Variants in AOAH observed in about 807,000 individuals in gnomAD.
AOAH encodes the protein acyloxyacyl hydrolase (neutrophil).
In AOAH, 64 loss-of-function variants were observed where a neutral mutation model predicts 92.2. The ratio of observed to expected loss-of-function variants is 0.69; its 90% CI spans 0.57 to 0.86. The LOEUF is 0.86. Among genes scored for constraint, AOAH ranks in the 40% least tolerant of loss-of-function variants. The pLI is 0.00. For synonymous variants in AOAH, 263 were observed against 254.5 expected (o/e 1.03, Z -0.32); for missense variants, 656 against 694.6 (o/e 0.94, Z 0.62).
chr7:36,517,236 C>CTTTCTTTCTTTCTTTT (rs1346541472), intron 20 of AOAH, among the ~76,000 whole-genome samples: 1 of 56,740 alleles, frequency 1.8e-5, no homozygotes, highest in African/African-American at 5.3e-5. Context: ...GTCTCTCTCT[C>CTTTCTTTCTTTCTTTT]TCTCTCTCTT....
At chr7:36,587,673 A>T (rs1315740391) in intron 12 of AOAH, among the ~76,000 whole-genome samples, 1 of 152,196 alleles carries the variant, frequency 6.6e-6, no homozygotes, top group African/African-American at 2.4e-5. Context: ...ATCACATTAG[A>T]AGAGTCTTAG....
intron 3 of AOAH, among the ~76,000 whole-genome samples, chr7:36,660,021 G>A (rs547349566): frequency 4.6e-5 from 7 of 152,132 alleles, no homozygotes; most frequent in Admixed American, 3.3e-4. Context: ...TCTTCTTCTG[G>A]ACAATAAGTC....
chr7:36,696,317 A>G (rs1196238565), intron 1 of AOAH, among the ~76,000 whole-genome samples: 1 of 152,170 alleles, frequency 6.6e-6, no homozygotes, highest in Non-Finnish European at 1.5e-5. Flanking sequence ...AAAAACTCCT[A>G]TTAGGATTTT....
At chr7:36,693,348 G>A (rs1313006890) in intron 1 of AOAH, among the ~76,000 whole-genome samples, 1 of 152,058 alleles carries the variant, frequency 6.6e-6, no homozygotes, top group Non-Finnish European at 1.5e-5. Flanking sequence ...GTATCCAAAG[G>A]TATCTAAATA....
At chr7:36,600,656 G>A (rs548390309) in intron 11 of AOAH, among the ~76,000 whole-genome samples, 22 of 152,200 alleles carry the variant, frequency 1.4e-4, no homozygotes, top group Non-Finnish European at 2.4e-4. Context: ...AGAGCAGGCC[G>A]GGTCAGCACC....
At chr7:36,644,086 G>C (rs544584873) in intron 4 of AOAH, among the ~76,000 whole-genome samples, 108 of 152,346 alleles carry the variant, frequency 7.1e-4, no homozygotes, top group South Asian at 7.0e-3. Flanking sequence ...CATCAAGGCT[G>C]TTACAATGTA....
At chr7:36,599,477 T>C (rs977733925) in intron 11 of AOAH, among the ~76,000 whole-genome samples, 5 of 152,206 alleles carry the variant, frequency 3.3e-5, no homozygotes, top group African/African-American at 1.2e-4. Flanking sequence ...CCCTTTTCTA[T>C]TACATGTACC....
intron 20 of AOAH, among the ~76,000 whole-genome samples, chr7:36,517,156 GTCTTTCTTTCTT>G (rs1554360832): frequency 2.0e-4 from 19 of 95,432 alleles, no homozygotes; most frequent in African/African-American, 7.0e-4. Flanking sequence ...ATCCATGTTA[GTCTTTCTTTCTT>G]TCTTTCTTTC....
chr7:36,597,194 C>G (rs1790192824), intron 11 of AOAH, among the ~76,000 whole-genome samples: 1 of 152,098 alleles, frequency 6.6e-6, no homozygotes, highest in South Asian at 2.1e-4. Flanking sequence ...GAAACAACCC[C>G]ATAGAAAGAA....
chr7:36,534,279 G>C (rs1464454787), intron 16 of AOAH, among the ~76,000 whole-genome samples: 1 of 152,178 alleles, frequency 6.6e-6, no homozygotes, highest in African/African-American at 2.4e-5. Context: ...ACCCTGAGGG[G>C]CACCTCCCTT....
chr7:36,671,290 C>T (rs1795909529), intron 3 of AOAH, among the ~76,000 whole-genome samples: 1 of 152,080 alleles, frequency 6.6e-6, no homozygotes, highest in African/African-American at 2.4e-5. Flanking sequence ...TACACCTGGG[C>T]CTGGAGATAC....
At chr7:36,553,234 C>T (rs879586006) in intron 13 of AOAH, among the ~76,000 whole-genome samples, 4 of 150,586 alleles carry the variant, frequency 2.7e-5, no homozygotes, top group Non-Finnish European at 5.9e-5. Flanking sequence ...GTTTTTTGTC[C>T]TTGCAATAGT....
intron 1 of AOAH, among the ~76,000 whole-genome samples, chr7:36,694,364 G>A (rs1366515753): frequency 6.6e-6 from 1 of 152,032 alleles, no homozygotes; most frequent in Non-Finnish European, 1.5e-5. Flanking sequence ...CAGGTGTGGT[G>A]GCATGCACCT....
At chr7:36,702,217 T>A (rs1454502681) in intron 1 of AOAH, among the ~76,000 whole-genome samples, 2 of 152,208 alleles carry the variant, frequency 1.3e-5, no homozygotes, top group Admixed American at 6.6e-5. Context: ...ACATATATAC[T>A]GTTATTTTAT....
At chr7:36,718,896 G>A (rs1562729515) in intron 1 of AOAH, among the ~76,000 whole-genome samples, 1 of 152,094 alleles carries the variant, frequency 6.6e-6, no homozygotes, top group Non-Finnish European at 1.5e-5. Flanking sequence ...TATACTAAAT[G>A]CCACTTTTAC....
At chr7:36,523,232 A>G (rs1784201716) in intron 19 of AOAH, among the ~76,000 whole-genome samples, 1 of 152,234 alleles carries the variant, frequency 6.6e-6, no homozygotes, top group African/African-American at 2.4e-5. Context: ...CCCCTGAGAC[A>G]CAGCATCATA....
intron 1 of AOAH, among the ~76,000 whole-genome samples, chr7:36,713,088 T>A (rs1449184475): frequency 6.6e-6 from 1 of 151,970 alleles, no homozygotes; most frequent in African/African-American, 2.4e-5. Context: ...AGGAAACCCA[T>A]CTCACATGCA....
chr7:36,627,931 AG>A (rs1414876816), intron 6 of AOAH, among the ~76,000 whole-genome samples: 1 of 152,208 alleles, frequency 6.6e-6, no homozygotes, highest in African/African-American at 2.4e-5. Context: ...TTATGACAAA[AG>A]AAAAATGGTG....
intron 13 of AOAH, among the ~76,000 whole-genome samples, chr7:36,566,483 C>T (rs746389180): frequency 6.6e-6 from 1 of 151,274 alleles, no homozygotes; most frequent in Non-Finnish European, 1.5e-5. Context: ...TACTCCAGAA[C>T]AGGTGTTTGC....
Sources: allele counts gnomAD v4.1 joint callset (sites outside exome capture counted in the v4.1 genomes callset), GRCh38; gene constraint gnomAD v4.1.1; transcripts MANE v1.5; gene names NCBI Gene and HGNC (gene_info 2026-07-23, HGNC 2026-07-21).